The following FIG4 variants were observed in gnomAD, a reference collection of about 807,000 sequenced individuals.
FIG4 encodes the protein FIG4 phosphoinositide 5-phosphatase.
FIG4 carries 112 observed loss-of-function variants against 118.6 expected under a neutral mutation model. That is an observed-to-expected ratio of 0.94 (90% CI 0.81 to 1.11). The LOEUF (loss-of-function observed/expected upper bound fraction) is 1.11. FIG4 is among the 50% of genes least tolerant of loss of function. The pLI, the probability that FIG4 is intolerant of heterozygous loss-of-function variation, is 0.00. For synonymous variants in FIG4, 369 were observed against 381.2 expected (o/e 0.97, Z 0.37); for missense variants, 969 against 1,111.7 (o/e 0.87, Z 1.83).
At chr6:109,790,701 G>A (rs967694175) in intron 19 of FIG4, among the ~76,000 whole-genome samples, 1 of 151,936 alleles carries the variant, frequency 6.6e-6, no homozygotes, top group Non-Finnish European at 1.5e-5. Flanking sequence ...TTTTCATAAA[G>A]CAAAAAGTAT....
rs1274610654 is a variant in FIG4 at position 109,731,316 on chromosome 6, CA to C, written c.447-1320del. 3.3e-5 allele frequency among the ~76,000 whole-genome samples: 5 copies of C among 152,294 alleles called. No individual in the cohort carries two copies. In the East Asian group the frequency reaches 9.7e-4, roughly 29 times the overall value. The stretch of plus-strand genomic sequence containing the variant: ...TTGAAAATGCACGTTATCTATAGTG[CA>C]CAGTGGTTCTTGTTTCCGTGTATCT... On this transcript the variant is annotated intron_variant, in intron 4 of 22. Transcript: ENST00000230124.
In FIG4 at chr6:109,716,569, G is replaced by T; in HGVS notation, c.289+1G>T. 1 of 1,613,644 alleles carries T rather than the reference G, an allele frequency of 6.2e-7. No homozygotes were observed. The highest frequency in any genetic ancestry group is 1.3e-5 in the African/African-American group (1 of 75,026). The stretch of plus-strand genomic sequence containing the variant: ...GCGGTTTCAGCTTTTGGTGTTGTGG[G>T]TAAGAAATCTGCCCCCCTTCTTACA... On this transcript the variant is annotated splice_donor_variant, in intron 3 of 22. Coordinates refer to ENST00000230124, the MANE Select transcript of FIG4 (RefSeq NM_014845.6). LOFTEE classifies it high-confidence loss of function.
At chr6:109,771,858 A>G (rs544030253) in intron 15 of FIG4, among the ~76,000 whole-genome samples, 14 of 152,212 alleles carry the variant, frequency 9.2e-5, no homozygotes, top group African/African-American at 2.6e-4. Flanking sequence ...GTTGCTGTAC[A>G]TCATCAGTTT....
chr6:109,762,116 C>A lies in FIG4; in HGVS notation c.1297C>A (p.Leu433Ile), dbSNP rs745500828. The A allele has an allele frequency of 6.2e-7, 1 of 1,612,482 alleles. No homozygotes were observed. The highest frequency in any genetic ancestry group is 8.5e-7 in the Non-Finnish European group (1 of 1,178,680). ...CAAGCTGTGTAATGTTCTTGATCGA[C>A]TAAATGTGATTGCAGAAAGTGTGGT... is the stretch of plus-strand genomic sequence containing the variant. ...KSKLCNVLDRLNVIAESVVKK... is the reference protein window; with the variant it reads ...KSKLCNVLDRINVIAESVVKK... The change falls in exon 12 of 23, where the codon CTA becomes ATA. Residue 433 changes from leucine (L) to isoleucine (I), a missense_variant. Physicochemically the swap from Leu to Ile is conservative, Grantham distance 5. This residue lies in a region of FIG4 where 246 missense variants were observed against 354.3 expected (regional missense o/e 0.69). Transcript: ENST00000230124.
chr6:109,813,815 A>G (rs1037417446), intron 22 of FIG4, among the ~76,000 whole-genome samples: 4 of 152,202 alleles, frequency 2.6e-5, no homozygotes, highest in Admixed American at 2.6e-4. Context: ...GGATAGGCCC[A>G]TAAGGAACTG....
Position 109,715,120 on chromosome 6 carries a change from C to T in FIG4, c.109C>T (p.Arg37Cys), listed in dbSNP as rs368625871. The T allele has an allele frequency of 3.5e-5, 57 of 1,605,914 alleles. No homozygotes were observed. The highest frequency in any genetic ancestry group is 6.7e-5 in the African/African-American group (5 of 74,738). Residue 37 changes from arginine to cysteine, a missense_variant, in exon 2 of 23, where the codon CGT becomes TGT. Coordinates refer to ENST00000230124, the MANE Select transcript of FIG4 (RefSeq NM_014845.6). ...VGSNNAETKYRVLKIDRTEPK... is the reference protein window; with the variant it reads ...VGSNNAETKYCVLKIDRTEPK... ...GAGCAATAATGCAGAAACGAAATAT[C>T]GTGTCTTGAAGATTGATAGAACAGA...
At chr6:109,750,246 C>G (rs1776648399) in intron 10 of FIG4, among the ~76,000 whole-genome samples, 2 of 152,206 alleles carry the variant, frequency 1.3e-5, no homozygotes, top group South Asian at 4.1e-4. Flanking sequence ...GCTACTGTAT[C>G]AACAGAAGGC....
chr6:109,748,379 A>C (rs1776572153), intron 10 of FIG4, among the ~76,000 whole-genome samples: 1 of 152,180 alleles, frequency 6.6e-6, no homozygotes, highest in Non-Finnish European at 1.5e-5. Flanking sequence ...ATCTCAGCCA[A>C]GTAAGGACAG....
At chr6:109,810,299 G>T (rs556619625) in intron 22 of FIG4, among the ~76,000 whole-genome samples, 15 of 152,256 alleles carry the variant, frequency 9.9e-5, no homozygotes, top group South Asian at 4.1e-4. Context: ...TTGCACAGGT[G>T]CCCAAAAAGA....
At chr6:109,767,713 A>G (rs1268451858) in intron 15 of FIG4, among the ~76,000 whole-genome samples, 1 of 152,082 alleles carries the variant, frequency 6.6e-6, no homozygotes, top group African/African-American at 2.4e-5. Context: ...TACTAAAAAA[A>G]TTACAAAAAT....
intron 16 of FIG4, 85 bp from the exon 17 acceptor site, chr6:109,784,885 A>G: frequency 1.4e-6 from 1 of 706,190 alleles, no homozygotes. Context: ...GTTACTATAG[A>G]CCATATAAAT....
At chr6:109,812,563 GA>G (rs1423961785) in intron 22 of FIG4, among the ~76,000 whole-genome samples, 4 of 152,220 alleles carry the variant, frequency 2.6e-5, no homozygotes. Context: ...GCCAAGAGAA[GA>G]AAGTGTTTCA....
At chr6:109,727,368 A>G (rs1775854803) in intron 4 of FIG4, 103 bp downstream of exon 4, 1 of 918,512 alleles carries the variant, frequency 1.1e-6, no homozygotes, top group Non-Finnish European at 1.8e-6. Context: ...AGCTTGCTGT[A>G]GCCTTGGCCT....
chr6:109,823,146 G>C (rs533736700), intron 22 of FIG4, among the ~76,000 whole-genome samples: 1 of 152,208 alleles, frequency 6.6e-6, no homozygotes, highest in South Asian at 2.1e-4. Context: ...ACCTTTGCCA[G>C]ACTGCAGTGT....
At chr6:109,802,717 T>C (rs1778456920) in intron 22 of FIG4, among the ~76,000 whole-genome samples, 1 of 152,130 alleles carries the variant, frequency 6.6e-6, no homozygotes, top group East Asian at 1.9e-4. Flanking sequence ...ATGACTCCTG[T>C]TGGGGATAAT....
intron 9 of FIG4, 174 bp from the exon 10 acceptor site, chr6:109,743,501 A>T (rs1776388046): frequency 4.5e-6 from 3 of 668,424 alleles, no homozygotes; most frequent in Admixed American, 5.0e-5. Context: ...AATCATTCAA[A>T]TGTAATAAAT....
chr6:109,758,237 A>G (rs1051539906), intron 10 of FIG4, among the ~76,000 whole-genome samples: 3 of 152,250 alleles, frequency 2.0e-5, no homozygotes, highest in African/African-American at 7.2e-5. Flanking sequence ...CCAAAACAGC[A>G]TGGTACTGGT....
chr6:109,763,853 A>C, intron 12 of FIG4, 84 bp from the exon 13 acceptor site: 1 of 930,192 alleles, frequency 1.1e-6, no homozygotes, highest in Non-Finnish European at 1.8e-6. Flanking sequence ...CTTTAATTCT[A>C]TGATTCTTAA....
chr6:109,701,830 T>C (rs956354939), intron 1 of FIG4: 1 of 455,578 alleles, frequency 2.2e-6, no homozygotes. Flanking sequence ...AACCAAAGTA[T>C]ATAAAGTGAG....
Sources: allele counts gnomAD v4.1 joint callset (sites outside exome capture counted in the v4.1 genomes callset), GRCh38; gene constraint gnomAD v4.1.1; regional missense constraint gnomAD v4.1.1; transcripts MANE v1.5; gene names NCBI Gene and HGNC (gene_info 2026-07-23, HGNC 2026-07-21).